FMN2: variants seen among roughly 807,000 people sequenced by gnomAD.
The protein encoded by FMN2 is formin 2.
FMN2 carries 51 observed loss-of-function variants against 142.3 expected under a neutral mutation model. The ratio of observed to expected loss-of-function variants is 0.36; its 90% CI spans 0.29 to 0.45. The LOEUF is 0.45. Among genes scored for constraint, FMN2 ranks in the 20% least tolerant of loss-of-function variants. The pLI is 1.00. For missense variants in FMN2, 1,936 were observed against 2,122.8 expected, an observed-to-expected ratio of 0.91 and a Z score of 1.73; for synonymous variants, 882 against 869.8, an observed-to-expected ratio of 1.01 and a Z score of -0.25.
At chr1:240,240,518 A>C (rs1202416806) in intron 6 of FMN2, among the ~76,000 whole-genome samples, 1 of 152,234 alleles carries the variant, frequency 6.6e-6, no homozygotes, top group Non-Finnish European at 1.5e-5. Flanking sequence ...GATGATTAAT[A>C]TCTCTCATTG....
chr1:240,160,002 C>T (rs1664216115), intron 2 of FMN2, among the ~76,000 whole-genome samples: 1 of 143,820 alleles, frequency 7.0e-6, no homozygotes, highest in South Asian at 2.2e-4. Context: ...CACACACATA[C>T]ACACATATTC....
chr1:240,175,792 A>T lies in FMN2; in HGVS notation c.1783-2129A>T, dbSNP rs536337086. Among the ~76,000 whole-genome samples, 5 of 152,260 alleles carry T rather than the reference A, an allele frequency of 3.3e-5. No homozygotes were observed. In the East Asian group the frequency reaches 9.6e-4, roughly 29 times the overall value. ...CATTGTGGTTTTGATTTGCGTTTCCATAATGATTAGTGATATTGAGCATCT... is the reference window on the plus strand; with the variant it reads ...CATTGTGGTTTTGATTTGCGTTTCCTTAATGATTAGTGATATTGAGCATCT... On this transcript the variant is annotated intron_variant, in intron 2 of 17. Coordinates refer to ENST00000319653, the MANE Select transcript of FMN2 (RefSeq NM_020066.5).
intron 13 of FMN2, among the ~76,000 whole-genome samples, chr1:240,336,075 A>G (rs1044026893): frequency 1.3e-5 from 2 of 152,152 alleles, no homozygotes; most frequent in Admixed American, 1.3e-4. Context: ...CCTGGGAGGC[A>G]GAGGTTGCAG....
Position 240,223,574 on chromosome 1 carries a change from T to A in FMN2, c.4065+12339T>A, listed in dbSNP as rs551667877. 2.6e-5 allele frequency among the ~76,000 whole-genome samples: 4 copies of A among 152,340 alleles called. No individual in the cohort carries two copies. The South Asian group carries it at 8.3e-4, about 32-fold the overall frequency. On this transcript the variant is annotated intron_variant, in intron 6 of 17. Transcript: ENST00000319653. The stretch of plus-strand genomic sequence containing the variant: ...GGAAGGAATGGTACCAGCTGGTCTT[T>A]GTACCTCTGGTAAAATTCGGCTGTG...
chr1:240,246,757 A>G (rs1415113914), intron 6 of FMN2, among the ~76,000 whole-genome samples: 2 of 152,198 alleles, frequency 1.3e-5, no homozygotes, highest in Non-Finnish European at 2.9e-5. Context: ...CCTGCCTTCT[A>G]GGGAAGCCTG....
intron 15 of FMN2, among the ~76,000 whole-genome samples, chr1:240,421,605 A>C (rs1212112117): frequency 6.6e-6 from 1 of 152,094 alleles, no homozygotes; most frequent in African/African-American, 2.4e-5. Context: ...ATAGTTGACT[A>C]TATTTGTTTT....
intron 13 of FMN2, among the ~76,000 whole-genome samples, chr1:240,337,211 T>TC (rs1558440610): frequency 2.7e-4 from 39 of 142,250 alleles, no homozygotes; most frequent in Non-Finnish European, 3.6e-4. Context: ...TTCTTTTTTT[T>TC]TTTTTTTTTT....
intron 14 of FMN2, among the ~76,000 whole-genome samples, chr1:240,370,875 T>C (rs1307465587): frequency 6.6e-6 from 1 of 152,212 alleles, no homozygotes; most frequent in Non-Finnish European, 1.5e-5. Context: ...CGACTACTCA[T>C]TAAAATTTAT....
intron 1 of FMN2, among the ~76,000 whole-genome samples, chr1:240,098,097 A>ATTTTTTTTTTGTTTTTT (rs1661278577): frequency 1.0e-5 from 1 of 98,690 alleles, no homozygotes; most frequent in Non-Finnish European, 1.9e-5. Context: ...GTTATCTTGA[A>ATTTTTTTTTTGTTTTTT]TTTTTTTTTT....
chr1:240,356,029 G>A, intron 14 of FMN2, 121 bp downstream of exon 14: 1 of 653,438 alleles, frequency 1.5e-6, no homozygotes, highest in South Asian at 2.3e-5. Context: ...CTTTAAAAGG[G>A]CTTATTTTGA....
At position 240,329,060 on chromosome 1, in the gene FMN2, G is replaced by T. The variant is rs189239186; in HGVS notation, c.4216-16G>T. On this transcript the variant is annotated splice_polypyrimidine_tract_variant and intron_variant, in intron 8 of 17. Transcript: ENST00000319653. ...TGGCCAGACTTTGAAAAACTATTTG[G>T]TTTTTGTTTTTCTAGAGAGCACAGT... 1.3e-4 allele frequency: 202 copies of T among 1,610,516 alleles called. No individual in the cohort carries two copies. The African/African-American group carries it at 2.1e-3, about 17-fold the overall frequency.
At chr1:240,466,914 A>G (rs1255225486) in intron 16 of FMN2, among the ~76,000 whole-genome samples, 1 of 152,214 alleles carries the variant, frequency 6.6e-6, no homozygotes, top group Non-Finnish European at 1.5e-5. Context: ...CTGTAAGTCC[A>G]GGAACTCCAT....
At chr1:240,167,215 A>G (rs1572011021) in intron 2 of FMN2, among the ~76,000 whole-genome samples, 1 of 152,202 alleles carries the variant, frequency 6.6e-6, no homozygotes, top group Non-Finnish European at 1.5e-5. Context: ...ATTTGTGCCA[A>G]TTTGTATCTC....
intron 2 of FMN2, chr1:240,144,369 G>C: frequency 6.2e-7 from 1 of 1,606,938 alleles, no homozygotes; most frequent in South Asian, 1.1e-5. Flanking sequence ...ATGATGTCCA[G>C]CTCCCGAGCT....
intron 1 of FMN2, among the ~76,000 whole-genome samples, chr1:240,119,065 C>T (rs1298398717): frequency 6.6e-6 from 1 of 151,680 alleles, no homozygotes; most frequent in Non-Finnish European, 1.5e-5. Flanking sequence ...CGTGGTGGCT[C>T]ACACCTGGAG....
chr1:240,425,161 T>C (rs1344329128), intron 15 of FMN2, among the ~76,000 whole-genome samples: 2 of 150,086 alleles, frequency 1.3e-5, no homozygotes, highest in Non-Finnish European at 3.0e-5. Flanking sequence ...GCTTTTACTT[T>C]GGCTTCTCAT....
At chr1:240,123,505 C>CAAAAAAA (rs71168901) in intron 2 of FMN2, among the ~76,000 whole-genome samples, 160 bp downstream of exon 2, 32 of 107,652 alleles carry the variant, frequency 3.0e-4, no homozygotes, top group South Asian at 6.5e-4. Flanking sequence ...TGTTTGTACA[C>CAAAAAAA]AAAAAAAAAA....
chr1:240,106,769 C>T (rs576830663), intron 1 of FMN2, among the ~76,000 whole-genome samples: 8 of 151,640 alleles, frequency 5.3e-5, no homozygotes, highest in Non-Finnish European at 1.0e-4. Flanking sequence ...CTGCAACCTC[C>T]GCCTCCTGGG....
intron 6 of FMN2, chr1:240,245,557 C>G: frequency 6.4e-6 from 3 of 471,360 alleles, no homozygotes; most frequent in Non-Finnish European, 4.4e-6. Context: ...GCTCATTAGG[C>G]AGAGGATGGT....
Sources: allele counts gnomAD v4.1 joint callset (sites outside exome capture counted in the v4.1 genomes callset), GRCh38; gene constraint gnomAD v4.1.1; transcripts MANE v1.5; gene names NCBI Gene and HGNC (gene_info 2026-07-23, HGNC 2026-07-21).